NBEA: variants seen among roughly 807,000 people sequenced by gnomAD.
NBEA encodes lysosomal-trafficking regulator 2.
NBEA carries 44 observed loss-of-function variants against 343.4 expected under a neutral mutation model. That is an observed-to-expected ratio of 0.13 (90% CI 0.10 to 0.16). The LOEUF (loss-of-function observed/expected upper bound fraction) is 0.16. Ranked by LOEUF, NBEA falls within the 10% of genes least tolerant of loss-of-function variation. The probability of loss-of-function intolerance (pLI) is 1.00; values close to 1 mark genes in which losing one functional copy is unlikely to be tolerated. For synonymous variants in NBEA, 1,175 were observed against 1,238.7 expected (o/e 0.95, Z 1.08); for missense variants, 2,555 against 3,631.3 (o/e 0.70, Z 7.62).
chr13:35,045,078 G>A (rs373997349), intron 3 of NBEA, 31 bp downstream of exon 3: 2 of 1,548,740 alleles, frequency 1.3e-6, no homozygotes, highest in Admixed American at 1.8e-5. Context: ...AAGGTATTCA[G>A]TATCAGTCCA....
At position 35,081,431 on chromosome 13, in the gene NBEA, A is replaced by G. The variant is rs1375804189; in HGVS notation, c.1571+10579A>G. On this transcript the variant is annotated intron_variant, in intron 10 of 58. Coordinates refer to ENST00000379939, the MANE Select transcript of NBEA (RefSeq NM_001385012.1). ...CTTTTGTGAATGGATTTACTTAGCT[A>G]TCTTGATAAAATACATATATTATTT... Among the ~76,000 whole-genome samples, 5 of 152,256 alleles carry G rather than the reference A, an allele frequency of 3.3e-5. No homozygotes were observed. In the East Asian group the frequency reaches 9.6e-4, roughly 29 times the overall value.
chr13:35,660,913 T>C (rs1214759597), intron 55 of NBEA, among the ~76,000 whole-genome samples: 1 of 152,188 alleles, frequency 6.6e-6, no homozygotes, highest in Non-Finnish European at 1.5e-5. Context: ...CCATATGCAA[T>C]AGTTCTCACC....
chr13:35,151,461 T>C (rs1311813377), intron 18 of NBEA, among the ~76,000 whole-genome samples: 1 of 150,760 alleles, frequency 6.6e-6, no homozygotes, highest in Non-Finnish European at 1.5e-5. Context: ...GAGAATCGCT[T>C]GAACCCGGGA....
rs1418535999 is a variant in NBEA, at chr13:35,048,640, A to G, written c.801A>G (p.Pro267=). ...TAAACACTTGGTTTCGTATGGATCCATTAAATAATATTAATGTTGATAAGG... is the reference window on the plus strand; with the variant it reads ...TAAACACTTGGTTTCGTATGGATCCGTTAAATAATATTAATGTTGATAAGG... ...FTLNTWFRMD[P]LNNINVDKDK... is the part of the protein sequence containing the mutation. The change falls in exon 5 of 59, where the codon CCA becomes CCG. Residue 267 remains proline (P), a synonymous_variant. Transcript: ENST00000379939. 5 of 1,453,590 alleles carry G rather than the reference A, an allele frequency of 3.4e-6. No individual in the cohort carries two copies. The highest frequency in any genetic ancestry group is 3.8e-6 in the Non-Finnish European group (4 of 1,041,592). 90.0% of individuals were successfully genotyped at this position (1,453,590 alleles called of 1,614,324 possible). A position where few individuals can be genotyped will look rare whatever the true frequency, so the allele number is the denominator to read the frequency against.
At chr13:35,324,821 TTTCTTTTGAGA>T (rs1179419348) in intron 36 of NBEA, among the ~76,000 whole-genome samples, 3 of 152,092 alleles carry the variant, frequency 2.0e-5, no homozygotes, top group Non-Finnish European at 4.4e-5. Flanking sequence ...TTGCAGAAGG[TTTCTTTTGAGA>T]GAGAGGACCT....
At chr13:35,203,128 C>T (rs1475840048) in intron 31 of NBEA, among the ~76,000 whole-genome samples, 1 of 152,128 alleles carries the variant, frequency 6.6e-6, no homozygotes, top group African/African-American at 2.4e-5. Context: ...CAGAGTAGTC[C>T]TATTATAACA....
Position 35,156,072 on chromosome 13 carries a change from T to G in NBEA, c.2528-11T>G. On this transcript the variant is annotated splice_polypyrimidine_tract_variant and intron_variant, in intron 19 of 58. Transcript: ENST00000379939. The stretch of plus-strand genomic sequence containing the variant: ...GTTACAAATCTACAAGTTTTTTTTC[T>G]TTGTTTACAGTGATTCTTAAAGTGG... 1 of 1,564,514 alleles carries G rather than the reference T, an allele frequency of 6.4e-7. No individual in the cohort carries two copies. The highest frequency in any genetic ancestry group is 1.2e-5 in the South Asian group (1 of 82,618).
At chr13:35,172,646 T>C (rs1026234264) in intron 26 of NBEA, among the ~76,000 whole-genome samples, 8 of 152,130 alleles carry the variant, frequency 5.3e-5, no homozygotes, top group Non-Finnish European at 8.8e-5. Context: ...AAAACACTTA[T>C]ATTACCTCCT....
At position 35,352,152 on chromosome 13, in the gene NBEA, T is replaced by C; in HGVS notation, c.6013-5T>C. On this transcript the variant is annotated splice_polypyrimidine_tract_variant and splice_region_variant and intron_variant, in intron 37 of 58. Transcript: ENST00000379939. ...TTATTATGCATCATTTGTATTTCTT[T>C]ATAGTCACAGTGTGCCCAATATGCT... is the stretch of plus-strand genomic sequence containing the variant. The C allele has an allele frequency of 7.0e-7, 1 of 1,427,128 alleles. No homozygotes were observed. The highest frequency in any genetic ancestry group is 9.3e-7 in the Non-Finnish European group (1 of 1,076,382). 88.4% of individuals were successfully genotyped at this position (1,427,128 alleles called of 1,614,324 possible).
chr13:35,542,954 T>C (rs1269817138), intron 41 of NBEA, among the ~76,000 whole-genome samples: 1 of 152,016 alleles, frequency 6.6e-6, no homozygotes, highest in East Asian at 1.9e-4. Flanking sequence ...TAATCTAAAA[T>C]ATTTGTGCTT....
At chr13:35,408,312 A>G (rs1177128769) in intron 38 of NBEA, among the ~76,000 whole-genome samples, 1 of 152,240 alleles carries the variant, frequency 6.6e-6, no homozygotes, top group Non-Finnish European at 1.5e-5. Context: ...AGCCATATGC[A>G]GAAGATTGAA....
chr13:35,227,203 A>C (rs2074704905), intron 33 of NBEA, among the ~76,000 whole-genome samples: 1 of 152,008 alleles, frequency 6.6e-6, no homozygotes, highest in South Asian at 2.1e-4. Context: ...TAACTTAATA[A>C]AATTGTCAGT....
chr13:35,577,025 G>A (rs1432141282), intron 45 of NBEA, among the ~76,000 whole-genome samples: 1 of 152,116 alleles, frequency 6.6e-6, no homozygotes, highest in East Asian at 1.9e-4. Flanking sequence ...AGGAAAACTG[G>A]ATCCAAGTGC....
At position 35,349,161 on chromosome 13, in the gene NBEA, A is replaced by C. The variant is rs774518117; in HGVS notation, c.5957A>C (p.Glu1986Ala). The C allele has an allele frequency of 1.2e-6, 2 of 1,608,330 alleles. No homozygotes were observed. The highest frequency in any genetic ancestry group is 2.2e-5 in the South Asian group (2 of 90,116). Residue 1986 changes from glutamate (E) to alanine (A), a missense_variant, in exon 37 of 59, where the codon GAG (glutamate) becomes GCG (alanine). This residue lies in a region of NBEA where 84 missense variants were observed against 196.4 expected (regional missense o/e 0.43). Transcript: ENST00000379939. ...ATAGTCCGTGTTGCAAATGAAGCTG[A>C]GTTTATTTTGAACAGACAAAGAGCC... ...DHIVRVANEA[E>A]FILNRQRAED...
rs1594755770 is a variant in NBEA at position 35,474,837 on chromosome 13, C to T, written c.6585+2301C>T. 5.4e-6 allele frequency: 3 copies of T among 552,998 alleles called. No homozygotes were observed. In the East Asian group the frequency reaches 9.4e-5, roughly 17 times the overall value. The allele number at this position is 552,998 out of a possible 1,614,324, so 34.3% of individuals were successfully genotyped here. On this transcript the variant is annotated intron_variant, in intron 41 of 58. Transcript: ENST00000379939. Reference sequence around the variant, plus strand: ...GATAGGAAATCGTGTGGAAAGAAGTCTTCTAATACTAGTGGCTTTGGGTTT... The same window carrying T: ...GATAGGAAATCGTGTGGAAAGAAGTTTTCTAATACTAGTGGCTTTGGGTTT...
chr13:35,581,922 A>G (rs1157553179), intron 45 of NBEA, among the ~76,000 whole-genome samples: 1 of 151,600 alleles, frequency 6.6e-6, no homozygotes, highest in African/African-American at 2.4e-5. Flanking sequence ...AAAGAAAAAT[A>G]TACTGAGTTA....
At chr13:35,405,701 TTTTCTGTGGGA>T (rs1265423872) in intron 38 of NBEA, among the ~76,000 whole-genome samples, 3 of 152,162 alleles carry the variant, frequency 2.0e-5, no homozygotes, top group African/African-American at 7.2e-5. Context: ...AAGTAAGTCC[TTTTCTGTGGGA>T]TTTCTAACAG....
intron 39 of NBEA, among the ~76,000 whole-genome samples, chr13:35,446,800 TATATACCTATATATCTATATAA>T (rs2046072470): frequency 6.6e-6 from 1 of 152,004 alleles, no homozygotes; most frequent in African/African-American, 2.4e-5. Context: ...TAGATACACA[TATATACCTATATATCTATATAA>T]ATATACCTAT....
At chr13:35,080,838 A>G (rs899346313) in intron 10 of NBEA, among the ~76,000 whole-genome samples, 4 of 152,158 alleles carry the variant, frequency 2.6e-5, no homozygotes, top group Non-Finnish European at 5.9e-5. Flanking sequence ...ATTTACTGCC[A>G]AATATTTTTA....
Sources: gnomAD v4.1 joint callset for allele counts (sites outside exome capture counted in the v4.1 genomes callset) on GRCh38, gnomAD v4.1.1 for gene constraint, gnomAD v4.1.1 regional missense constraint, MANE v1.5 for transcripts, NCBI Gene and HGNC (gene_info 2026-07-23, HGNC 2026-07-21) for gene names.